PID1: variants seen among roughly 807,000 people sequenced by gnomAD.
PID1 encodes PTB-containing, cubilin and LRP1-interacting protein.
In PID1, 10 loss-of-function variants were observed where a neutral mutation model predicts 19.1. The observed-to-expected ratio is 0.52, with a 90% CI of 0.32 to 0.89. The LOEUF is 0.89. PID1 is among the 40% of genes least tolerant of loss of function. The pLI is 0.03. For missense variants in PID1, 248 were observed against 285.3 expected (o/e 0.87, Z 0.94); for synonymous variants, 130 against 116.0 (o/e 1.12, Z -0.78).
At chr2:229,167,425 A>T (rs1201070609) in intron 1 of PID1, among the ~76,000 whole-genome samples, 1 of 152,126 alleles carries the variant, frequency 6.6e-6, no homozygotes, top group East Asian at 1.9e-4. Context: ...TTACAACGCC[A>T]CTTCTGTAGT....
chr2:229,211,584 A>G (rs1372140522), intron 1 of PID1, among the ~76,000 whole-genome samples: 1 of 152,218 alleles, frequency 6.6e-6, no homozygotes, highest in African/African-American at 2.4e-5. Flanking sequence ...AGAAATGTAT[A>G]TACTCTGCCA....
intron 2 of PID1, among the ~76,000 whole-genome samples, chr2:229,096,061 G>C (rs1694965661): frequency 6.6e-6 from 1 of 152,166 alleles, no homozygotes; most frequent in African/African-American, 2.4e-5. Flanking sequence ...GTAACAGATA[G>C]AGAAATGTCC....
intron 1 of PID1, among the ~76,000 whole-genome samples, chr2:229,270,206 A>G (rs1690698861): frequency 6.6e-6 from 1 of 152,250 alleles, no homozygotes; most frequent in African/African-American, 2.4e-5. Context: ...TTTATCTGGC[A>G]GAGTAGCTGC....
rs1176333725 is a variant in PID1, at chr2:229,151,571, CT to C, written c.177+4246del. Among the ~76,000 whole-genome samples the C allele has an allele frequency of 2.0e-3, 284 of 142,082 alleles. 1 individual carries two copies. Among genetic ancestry groups the C allele is most frequent in the Middle Eastern group, 0.011 (3 of 268 alleles). The allele number at this position is 142,082 out of a possible 152,430, so 93.2% of individuals were successfully genotyped here. A position where few individuals can be genotyped will look rare whatever the true frequency, so the allele number is the denominator to read the frequency against. On this transcript the variant is annotated intron_variant, in intron 2 of 2. Coordinates refer to ENST00000392055, the MANE Select transcript of PID1 (RefSeq NM_001100818.2). ...TTCTGTGTTATTAAGACTTCTATTT[CT>C]TTTTTTTTTTTTTTCTGAGACGGAG... is the stretch of plus-strand genomic sequence containing the variant.
intron 2 of PID1, among the ~76,000 whole-genome samples, chr2:229,053,932 A>T (rs1694044924): frequency 6.6e-6 from 1 of 152,184 alleles, no homozygotes; most frequent in South Asian, 2.1e-4. Flanking sequence ...AATTTTAGAG[A>T]ACAACTTTAA....
At chr2:229,195,340 TAC>T (rs201104586) in intron 1 of PID1, among the ~76,000 whole-genome samples, 10 of 151,400 alleles carry the variant, frequency 6.6e-5, no homozygotes, top group Admixed American at 2.0e-4. Context: ...GAAGTATATA[TAC>T]ACACACACAC....
chr2:229,031,952 A>G (rs1364290842), intron 2 of PID1, among the ~76,000 whole-genome samples: 1 of 152,208 alleles, frequency 6.6e-6, no homozygotes, highest in Admixed American at 6.5e-5. Flanking sequence ...CCTTTTTTCA[A>G]AAAGTGAACT....
chr2:229,231,871 C>A, intron 1 of PID1: 3 of 1,547,792 alleles, frequency 1.9e-6, no homozygotes, highest in Non-Finnish European at 2.6e-6. Context: ...GCTGCTATAA[C>A]GAAATACCAC....
At chr2:229,075,718 G>A (rs1003233954) in intron 2 of PID1, among the ~76,000 whole-genome samples, 7 of 152,164 alleles carry the variant, frequency 4.6e-5, no homozygotes, top group African/African-American at 7.2e-5. Flanking sequence ...TCCTCCATTC[G>A]TTGTCAATTA....
intron 2 of PID1, among the ~76,000 whole-genome samples, chr2:229,087,734 A>C (rs529529910): frequency 6.6e-6 from 1 of 152,224 alleles, no homozygotes; most frequent in Non-Finnish European, 1.5e-5. Flanking sequence ...TAGAAACATC[A>C]GTCAAAATAG....
chr2:229,110,564 T>C (rs528223100), intron 2 of PID1, among the ~76,000 whole-genome samples: 2 of 152,268 alleles, frequency 1.3e-5, no homozygotes, highest in South Asian at 4.1e-4. Flanking sequence ...GTCATCAAAG[T>C]GCTGCCAAAC....
At chr2:229,208,776 G>A (rs566552789) in intron 1 of PID1, among the ~76,000 whole-genome samples, 6 of 152,300 alleles carry the variant, frequency 3.9e-5, no homozygotes, top group South Asian at 2.1e-4. Context: ...AGAGAGGGAC[G>A]GAGGAGGCAG....
Position 229,158,438 on chromosome 2 carries a change from C to T in PID1, c.31-2474G>A, listed in dbSNP as rs188307099. 2.8e-3 allele frequency among the ~76,000 whole-genome samples: 422 copies of T among 152,200 alleles called. 2 individuals are homozygous for T. The highest frequency in any genetic ancestry group is 3.8e-3 in the Non-Finnish European group (258 of 68,008). Reference sequence around the variant, plus strand: ...TAAGATTATATACTTGCTTTGTTTACTTTATTGTCTTCCAGTAGAATATAA... The same window carrying T: ...TAAGATTATATACTTGCTTTGTTTATTTTATTGTCTTCCAGTAGAATATAA... On this transcript the variant is annotated intron_variant, in intron 1 of 2. Coordinates refer to ENST00000392055, the MANE Select transcript of PID1 (RefSeq NM_001100818.2).
At chr2:229,194,712 G>T (rs1275539170) in intron 1 of PID1, among the ~76,000 whole-genome samples, 1 of 151,924 alleles carries the variant, frequency 6.6e-6, no homozygotes, top group East Asian at 1.9e-4. Flanking sequence ...ATACATATCG[G>T]TTAATGTATG....
In PID1 at chr2:229,255,233, T is replaced by C. The variant is rs1483931520; in HGVS notation, c.30+15781A>G. Among the ~76,000 whole-genome samples, 13 of 152,274 alleles carry C rather than the reference T, an allele frequency of 8.5e-5. No homozygotes were observed. The South Asian group carries it at 1.7e-3, about 19-fold the overall frequency. ...GGTTGAGGGTGGGAGATCTAATTCA[T>C]TGTTCTATAGCTCAAGCCACTGTGT... On this transcript the variant is annotated intron_variant, in intron 1 of 2. Transcript: ENST00000392055.
At chr2:229,247,747 AAAC>A in intron 1 of PID1, among the ~76,000 whole-genome samples, 1 of 152,294 alleles carries the variant, frequency 6.6e-6, no homozygotes, top group Middle Eastern at 3.4e-3. Context: ...CCACTCCCTA[AAAC>A]AACTAGAAGT....
chr2:229,118,833 A>AC lies in PID1; in HGVS notation c.177+36984_177+36985insG, dbSNP rs1553563703. On this transcript the variant is annotated intron_variant, in intron 2 of 2. Transcript: ENST00000392055. The stretch of plus-strand genomic sequence containing the variant: ...GTGCTGTCTTTTTGAACAAGAGAAA[A>AC]AAAACAAAACAAAACAAAACAAAAA... Among the ~76,000 whole-genome samples, 419 of 152,326 alleles carry AC rather than the reference A, an allele frequency of 2.8e-3. 1 individual carries two copies. Among genetic ancestry groups the AC allele is most frequent in the African/African-American group, 9.6e-3 (400 of 41,582 alleles).
intron 2 of PID1, among the ~76,000 whole-genome samples, chr2:229,129,159 C>G (rs1459069787): frequency 1.3e-5 from 2 of 152,242 alleles, no homozygotes; most frequent in East Asian, 3.9e-4. Context: ...GAGCCCAAGC[C>G]CCGCTGTCTC....
At chr2:229,174,322 C>A (rs1233658153) in intron 1 of PID1, among the ~76,000 whole-genome samples, 3 of 152,104 alleles carry the variant, frequency 2.0e-5, no homozygotes, top group Admixed American at 1.3e-4. Context: ...TATGGACATT[C>A]CACGGGTAGA....
Sources: gnomAD v4.1 joint callset for allele counts (sites outside exome capture counted in the v4.1 genomes callset) on GRCh38, gnomAD v4.1.1 for gene constraint, MANE v1.5 for transcripts, NCBI Gene and HGNC (gene_info 2026-07-23, HGNC 2026-07-21) for gene names.